The following POLD2 variants were observed in gnomAD, a reference collection of about 807,000 sequenced individuals.
POLD2 encodes the protein DNA polymerase delta subunit 2.
A neutral mutation model predicts 48.8 loss-of-function variants in POLD2; 31 were observed. The ratio of observed to expected loss-of-function variants is 0.64; its 90% CI spans 0.48 to 0.86. The LOEUF is 0.86. Among genes scored for constraint, POLD2 ranks in the 40% least tolerant of loss-of-function variants. POLD2 has a pLI of 0.00. For synonymous variants in POLD2, 233 were observed against 256.3 expected, an observed-to-expected ratio of 0.91 and a Z score of 0.87; for missense variants, 455 against 610.1, an observed-to-expected ratio of 0.75 and a Z score of 2.68.
chr7:44,115,468 C>G, intron 9 of POLD2, 72 bp from the exon 10 acceptor site: 1 of 1,005,934 alleles, frequency 9.9e-7, no homozygotes, highest in Non-Finnish European at 1.6e-6. Context: ...TGTGGGGCTG[C>G]AGCCCCTCCT....
At chr7:44,123,608 C>A, upstream of POLD2, 1 of 1,428,594 alleles carries the variant, frequency 7.0e-7, no homozygotes, top group South Asian at 1.4e-5. Flanking sequence ...ATCGCCTAAT[C>A]TCACCAATCG....
Position 44,116,041 on chromosome 7 carries a change from C to G in POLD2, c.1019+74G>C, listed in dbSNP as rs1270014996. 4 of 1,601,002 alleles carry G rather than the reference C, an allele frequency of 2.5e-6. No individual in the cohort carries two copies. The highest frequency in any genetic ancestry group is 3.4e-6 in the Non-Finnish European group (4 of 1,169,574). ...TGCAGCCCTGCCACCTTCCTGGGCC[C>G]TCCCTCCCCTCCCTTCTTTGTGCCT... is the stretch of plus-strand genomic sequence containing the variant. On this transcript the variant is annotated intron_variant, in intron 8 of 10. Coordinates refer to ENST00000610533, the MANE Select transcript of POLD2 (RefSeq NM_006230.4). This position sits in a 1 kb window ranked among gnomAD's most constrained non-coding sequence, Gnocchi z 6.1.
intron 10 of POLD2, 96 bp from the exon 11 acceptor site, chr7:44,115,041 C>A: frequency 9.2e-7 from 1 of 1,092,494 alleles, no homozygotes; most frequent in Non-Finnish European, 1.3e-6. Context: ...CATTGGCACA[C>A]AGTGGGGCAG....
chr7:44,120,182 G>A (rs1022231522), intron 2 of POLD2, among the ~76,000 whole-genome samples: 2 of 152,216 alleles, frequency 1.3e-5, no homozygotes, highest in African/African-American at 4.8e-5. Flanking sequence ...CTGCTGCCCC[G>A]CTGCTATCAA....
intron 1 of POLD2, chr7:44,122,560 C>T: frequency 8.1e-6 from 5 of 620,628 alleles, no homozygotes; most frequent in Non-Finnish European, 1.0e-5. Flanking sequence ...AAAACCAAAA[C>T]ATAAATCAGT....
chr7:44,116,390 C>CTGCA lies in POLD2; in HGVS notation c.861+36_861+39dup. On this transcript the variant is annotated intron_variant, in intron 7 of 10. Coordinates refer to ENST00000610533, the MANE Select transcript of POLD2 (RefSeq NM_006230.4). The surrounding 1 kb of genome is among the most constrained non-coding windows in gnomAD (Gnocchi z 6.1). ...TGTTGCCCAGTGGCAGCTTTGAAGA[C>CTGCA]TGCAATCCCCATCACCCCTCCAGCC... is the stretch of plus-strand genomic sequence containing the variant. The CTGCA allele has an allele frequency of 6.3e-7, 1 of 1,578,286 alleles. No individual in the cohort carries two copies. The highest frequency in any genetic ancestry group is 2.3e-5 in the East Asian group (1 of 43,160).
Position 44,116,440 on chromosome 7 carries a change from A to T in POLD2, c.851T>A (p.Leu284Gln). 3 of 1,579,552 alleles carry T rather than the reference A, an allele frequency of 1.9e-6. No individual in the cohort carries two copies. Among genetic ancestry groups the T allele is most frequent in the Non-Finnish European group, 2.6e-6 (3 of 1,162,076 alleles). ...EAVKMLDEIL[L>Q]QLSASVPVDV... Reference sequence around the variant, plus strand: ...CCCCAGCTCGCTCACGCTCAGCTGCAGGAGGATCTCATCCAGCATCTTAAC... The same window carrying T: ...CCCCAGCTCGCTCACGCTCAGCTGCTGGAGGATCTCATCCAGCATCTTAAC... The change falls in exon 7 of 11, where the codon CTG becomes CAG. Residue 284 changes from leucine to glutamine, a missense_variant. Transcript: ENST00000610533. This position sits in a 1 kb window ranked among gnomAD's most constrained non-coding sequence, Gnocchi z 6.1.
At chr7:44,120,824 TA>T (rs1228463045) in intron 2 of POLD2, among the ~76,000 whole-genome samples, 1 of 152,212 alleles carries the variant, frequency 6.6e-6, no homozygotes, top group Non-Finnish European at 1.5e-5. Flanking sequence ...GTGAGTCAAT[TA>T]AACCTCTTTT....
At chr7:44,115,597 T>G in intron 9 of POLD2, 169 bp downstream of exon 9, 1 of 827,832 alleles carries the variant, frequency 1.2e-6, no homozygotes, top group Non-Finnish European at 1.9e-6. Context: ...GGCCTTAGAA[T>G]TAAGATTCCA....
rs750374415 is a variant in POLD2, at chr7:44,116,990, C to T, written c.607G>A (p.Gly203Ser). Reference protein sequence around the residue: ...DRFVLLVSGLGLGGGGGESLL... With the variant: ...DRFVLLVSGLSLGGGGGESLL... ...CTCTCGCCTCCACCGCCACCCAGGC[C>T]CAGGCCGGACACCAGTAGCACAAAC... is the stretch of plus-strand genomic sequence containing the variant. Residue 203 changes from glycine (G) to serine (S), a missense_variant, in exon 6 of 11, where the codon GGC becomes AGC. Gly to Ser is a moderately conservative substitution (Grantham distance 56). Coordinates refer to ENST00000610533, the MANE Select transcript of POLD2 (RefSeq NM_006230.4). The surrounding 1 kb of genome is among the most constrained non-coding windows in gnomAD (Gnocchi z 6.1). The T allele has an allele frequency of 4.3e-6, 7 of 1,613,568 alleles. No individual in the cohort carries two copies. The East Asian group carries it at 1.6e-4, about 36-fold the overall frequency.
At chr7:44,122,323 T>C in intron 1 of POLD2, 2 of 1,357,304 alleles carry the variant, frequency 1.5e-6, no homozygotes, top group Non-Finnish European at 9.4e-7. Context: ...AAGCTAGGAG[T>C]GTTTGTCCCA....
At position 44,117,640 on chromosome 7, in the gene POLD2, C is replaced by A; in HGVS notation, c.445G>T (p.Asp149Tyr). The change falls in exon 4 of 11, where the codon GAC becomes TAC. Residue 149 changes from aspartate to tyrosine, a missense_variant. Asp to Tyr is a radical substitution (Grantham distance 160, BLOSUM62 -3). Coordinates refer to ENST00000610533, the MANE Select transcript of POLD2 (RefSeq NM_006230.4). ...CTACCCGTAACCAGCTTTGACACGTCAATGGTGCCTTTTAGTTTGATACGC... is the reference window on the plus strand; with the variant it reads ...CTACCCGTAACCAGCTTTGACACGTAAATGGTGCCTTTTAGTTTGATACGC... ...LQRIKLKGTI[D>Y]VSKLVTGTVL... 1 of 1,607,588 alleles carries A rather than the reference C, an allele frequency of 6.2e-7. No individual in the cohort carries two copies. The highest frequency in any genetic ancestry group is 8.5e-7 in the Non-Finnish European group (1 of 1,176,888).
chr7:44,115,960 T>A, intron 8 of POLD2, 67 bp from the exon 9 acceptor site: 1 of 1,609,880 alleles, frequency 6.2e-7, no homozygotes, highest in Non-Finnish European at 8.5e-7. Flanking sequence ...CCAGAGCTCA[T>A]CTGGCGCTCT....
upstream of POLD2, chr7:44,124,308 A>C (rs1198235938): frequency 7.7e-5 from 11 of 142,050 alleles, no homozygotes; most frequent in South Asian, 2.2e-4. Flanking sequence ...AGAATTCCTC[A>C]CCCCATCAAG....
At position 44,117,677 on chromosome 7, in the gene POLD2, T is replaced by C. The variant is rs1343064738; in HGVS notation, c.408A>G (p.Glu136=). 6.2e-7 allele frequency: 1 copy of C among 1,612,204 alleles called. No homozygotes were observed. The part of the protein sequence containing the change: ...YIHPDDELVL[E]DELQRIKLKG... Reference sequence around the variant, plus strand: ...TTAGTTTGATACGCTGCAGTTCATCTTCCAAGACCAGCTCGTCATCTGGGT... The same window carrying C: ...TTAGTTTGATACGCTGCAGTTCATCCTCCAAGACCAGCTCGTCATCTGGGT... The change falls in exon 4 of 11, where the codon GAA becomes GAG. Residue 136 remains glutamate, a synonymous_variant. Transcript: ENST00000610533.
At position 44,115,751 on chromosome 7, in the gene POLD2, G is replaced by A. The variant is rs367586584; in HGVS notation, c.1147+15C>T. On this transcript the variant is annotated intron_variant, in intron 9 of 10. Transcript: ENST00000610533. ...CTGGCCCTCTGCTCCCACCCTGTAT[G>A]GCTGAGCCTGTTACCTAGAGTGTCA... 4.3e-6 allele frequency: 7 copies of A among 1,612,568 alleles called. No homozygotes were observed. In the African/African-American group the frequency reaches 5.3e-5, roughly 12 times the overall value.
In POLD2 at chr7:44,121,170, G is replaced by A. The variant is rs1402093425; in HGVS notation, c.220+664C>T. Among the ~76,000 whole-genome samples the A allele has an allele frequency of 1.3e-5, 2 of 152,220 alleles. No homozygotes were observed. The highest frequency in any genetic ancestry group is 4.8e-5 in the African/African-American group (2 of 41,436). ...TACCTGGAAAGCCACTCTTATGTAAGTGGTAGGAATGGGGGAATGCAGCAG... is the reference window on the plus strand; with the variant it reads ...TACCTGGAAAGCCACTCTTATGTAAATGGTAGGAATGGGGGAATGCAGCAG... On this transcript the variant is annotated intron_variant, in intron 2 of 10. Coordinates refer to ENST00000610533, the MANE Select transcript of POLD2 (RefSeq NM_006230.4). The surrounding 1 kb of genome is among the most constrained non-coding windows in gnomAD (Gnocchi z 4.5).
rs112735840 is a variant in POLD2, at chr7:44,117,249, T to A, written c.467-2A>T. ...AGCCAAACACAGCCAGGACAGTCCCTGGGGAGCAGTGGCATCAGGCCTGAG... is the reference window on the plus strand; with the variant it reads ...AGCCAAACACAGCCAGGACAGTCCCAGGGGAGCAGTGGCATCAGGCCTGAG... On this transcript the variant is annotated splice_acceptor_variant, in intron 4 of 10. Coordinates refer to ENST00000610533, the MANE Select transcript of POLD2 (RefSeq NM_006230.4). LOFTEE classifies it high-confidence loss of function. 6.2e-7 allele frequency: 1 copy of A among 1,608,568 alleles called. No individual in the cohort carries two copies. Among genetic ancestry groups the A allele is most frequent in the African/African-American group, 1.3e-5 (1 of 74,798 alleles).
intron 2 of POLD2, among the ~76,000 whole-genome samples, chr7:44,120,367 G>C (rs1420021316): frequency 3.9e-5 from 6 of 152,212 alleles, no homozygotes; most frequent in Non-Finnish European, 7.3e-5. Flanking sequence ...TTGGGCCCAA[G>C]TAGTAACTGA....
Sources: gnomAD v4.1 joint callset for allele counts (sites outside exome capture counted in the v4.1 genomes callset) on GRCh38, gnomAD v4.1.1 for gene constraint, Gnocchi (gnomAD v3.1) non-coding constraint, MANE v1.5 for transcripts, NCBI Gene and HGNC (gene_info 2026-07-23, HGNC 2026-07-21) for gene names.